Variants in DCDC1 observed in about 807,000 individuals in gnomAD.
DCDC1 encodes the protein doublecortin domain containing 1, also known as doublecortin domain-containing protein 1.
DCDC1 carries 200 observed loss-of-function variants against 178.3 expected under a neutral mutation model. That is an observed-to-expected ratio of 1.12 (90% CI 1.00 to 1.26). DCDC1 has a LOEUF of 1.26. DCDC1 is among the 50% of genes most tolerant of loss of function. The probability of loss-of-function intolerance (pLI) is 0.00; values close to 1 mark genes in which losing one functional copy is unlikely to be tolerated. For synonymous variants in DCDC1, 690 were observed against 604.8 expected, an observed-to-expected ratio of 1.14 and a Z score of -2.07; for missense variants, 1,983 against 1,749.2, an observed-to-expected ratio of 1.13 and a Z score of -2.38.
intron 20 of DCDC1, among the ~76,000 whole-genome samples, chr11:30,975,405 C>A (rs1277309307): frequency 2.6e-5 from 4 of 151,888 alleles, no homozygotes; most frequent in African/African-American, 9.7e-5. Context: ...AAAAGGCATC[C>A]AAATTGGAAA....
intron 17 of DCDC1, among the ~76,000 whole-genome samples, chr11:31,090,647 T>A (rs1392778979): frequency 6.6e-6 from 1 of 152,182 alleles, no homozygotes; most frequent in African/African-American, 2.4e-5. Flanking sequence ...TATCCTTATA[T>A]CTGCTTTGCA....
intron 8 of DCDC1, among the ~76,000 whole-genome samples, chr11:31,250,544 T>C (rs1591540547): frequency 1.3e-5 from 2 of 149,822 alleles, no homozygotes; most frequent in East Asian, 4.0e-4. Flanking sequence ...TAGATTTCCG[T>C]TAGATATAAT....
intron 8 of DCDC1, among the ~76,000 whole-genome samples, chr11:31,255,754 T>C (rs1944379362): frequency 6.6e-6 from 1 of 152,204 alleles, no homozygotes. Flanking sequence ...TTTGCAAATA[T>C]TTTTTCCATT....
At chr11:31,134,390 T>TG (rs1300411244) in intron 10 of DCDC1, among the ~76,000 whole-genome samples, 1 of 152,236 alleles carries the variant, frequency 6.6e-6, no homozygotes, top group Non-Finnish European at 1.5e-5. Context: ...GGTCTATCCC[T>TG]GAGAGTCACA....
intron 9 of DCDC1, among the ~76,000 whole-genome samples, chr11:31,140,657 T>C (rs1963708555): frequency 6.6e-6 from 1 of 152,152 alleles, no homozygotes; most frequent in Admixed American, 6.6e-5. Context: ...ATAATGGCTC[T>C]GTCAAAGAAA....
At chr11:31,266,877 T>C (rs1418412150) in intron 7 of DCDC1, among the ~76,000 whole-genome samples, 1 of 152,252 alleles carries the variant, frequency 6.6e-6, no homozygotes, top group Admixed American at 6.5e-5. Flanking sequence ...GTGACTGATT[T>C]GGTTTATATA....
intron 8 of DCDC1, among the ~76,000 whole-genome samples, chr11:31,250,421 C>CATATAT: frequency 0.017 from 899 of 52,354 alleles, 116 homozygotes; most frequent in African/African-American, 0.036. Flanking sequence ...CACACATATA[C>CATATAT]ATATATATGT....
chr11:31,018,551 CCAAGGCTCACGGAAGGGTACTAA>C (rs1453231298), intron 20 of DCDC1, among the ~76,000 whole-genome samples: 8 of 152,084 alleles, frequency 5.3e-5, no homozygotes, highest in African/African-American at 1.9e-4. Flanking sequence ...GGTGAGAAAA[CCAAGGCTCACGGAAGGGTACTAA>C]CTACAGTAGT....
chr11:30,902,598 A>C (rs1211678418), intron 32 of DCDC1, among the ~76,000 whole-genome samples: 1 of 152,194 alleles, frequency 6.6e-6, no homozygotes, highest in African/African-American at 2.4e-5. Context: ...TATGTAAGAA[A>C]TTTAAAATAG....
At chr11:30,875,388 A>G (rs769592834) in intron 38 of DCDC1, among the ~76,000 whole-genome samples, 1 of 152,204 alleles carries the variant, frequency 6.6e-6, no homozygotes, top group Non-Finnish European at 1.5e-5. Context: ...GGTTCAATAG[A>G]AACAACTGAG....
chr11:31,265,766 C>T (rs1311572189), intron 7 of DCDC1, among the ~76,000 whole-genome samples, 166 bp from the exon 8 acceptor site: 3 of 150,402 alleles, frequency 2.0e-5, no homozygotes, highest in Admixed American at 6.6e-5. Context: ...GTTAAAATTG[C>T]TACATTGTAC....
Position 31,241,618 on chromosome 11 carries a change from T to C in DCDC1, c.1055-2A>G, listed in dbSNP as rs913216283. ...GCAGGCATTTTTCAAGCAGAGGAAC[T>C]ATGCAAGAAAAGAAGGGAAAAAAAT... On this transcript the variant is annotated splice_acceptor_variant, in intron 8 of 38. Transcript: ENST00000684477. LOFTEE classifies it high-confidence loss of function. The C allele has an allele frequency of 6.3e-5, 25 of 396,900 alleles. No homozygotes were observed. The highest frequency in any genetic ancestry group is 5.2e-4 in the African/African-American group (25 of 48,462). 24.6% of individuals were successfully genotyped at this position (396,900 alleles called of 1,614,324 possible). A position where few individuals can be genotyped will look rare whatever the true frequency, so the allele number is the denominator to read the frequency against.
At chr11:31,300,142 C>T (rs1174088092) in intron 6 of DCDC1, among the ~76,000 whole-genome samples, 2 of 152,174 alleles carry the variant, frequency 1.3e-5, no homozygotes, top group Admixed American at 6.5e-5. Flanking sequence ...AGGCGAGAGC[C>T]ACCACACCTG....
intron 14 of DCDC1, 69 bp from the exon 15 acceptor site, chr11:31,102,351 CTT>C: frequency 1.7e-6 from 1 of 578,752 alleles, no homozygotes; most frequent in South Asian, 2.2e-5. Context: ...GCCCTTTACT[CTT>C]TAATTATAAT....
At chr11:31,365,411 A>T (rs1951909167) in intron 1 of DCDC1, among the ~76,000 whole-genome samples, 1 of 152,152 alleles carries the variant, frequency 6.6e-6, no homozygotes, top group Non-Finnish European at 1.5e-5. Context: ...AAAATTCAGA[A>T]ATAAAAATCA....
chr11:30,951,888 C>T (rs185803002), intron 21 of DCDC1, among the ~76,000 whole-genome samples: 3 of 152,196 alleles, frequency 2.0e-5, no homozygotes, highest in Admixed American at 1.3e-4. Flanking sequence ...CAATTCACAC[C>T]TGTAATTGCA....
intron 38 of DCDC1, among the ~76,000 whole-genome samples, chr11:30,878,091 G>T (rs1369592974): frequency 6.6e-6 from 1 of 151,934 alleles, no homozygotes; most frequent in African/African-American, 2.4e-5. Flanking sequence ...GTCTAGTTTT[G>T]TTGCCTTTCC....
intron 18 of DCDC1, among the ~76,000 whole-genome samples, chr11:31,072,909 G>A (rs1350237338): frequency 1.3e-5 from 2 of 152,070 alleles, no homozygotes; most frequent in East Asian, 3.9e-4. Context: ...TAAATGACTT[G>A]TCTAAGGCCA....
chr11:31,298,951 TATAG>T (rs1947900977), intron 6 of DCDC1, among the ~76,000 whole-genome samples: 1 of 152,254 alleles, frequency 6.6e-6, no homozygotes, highest in Non-Finnish European at 1.5e-5. Flanking sequence ...GTCAAGTAGG[TATAG>T]ATAATGACAT....
Sources: allele counts gnomAD v4.1 joint callset (sites outside exome capture counted in the v4.1 genomes callset), GRCh38; gene constraint gnomAD v4.1.1; transcripts MANE v1.5; gene names NCBI Gene and HGNC (gene_info 2026-07-23, HGNC 2026-07-21).